Variants in SPRR5 observed in about 807,000 individuals in gnomAD.
SPRR5 encodes the protein small proline rich protein 5.
chr1:152,947,975 T>A (rs548268828), intron 1 of SPRR5, among the ~76,000 whole-genome samples: 1 of 152,350 alleles, frequency 6.6e-6, no homozygotes, highest in East Asian at 1.9e-4. Context: ...CTACTCTGCA[T>A]GTGTGTGTCG....
intron 1 of SPRR5, among the ~76,000 whole-genome samples, chr1:152,947,644 T>C (rs545615311): frequency 2.0e-5 from 3 of 152,236 alleles, no homozygotes; most frequent in Admixed American, 2.0e-4. Flanking sequence ...CAGACTCCCT[T>C]GGGACAGCAG....
chr1:152,948,476 C>A, intron 1 of SPRR5, 61 bp from the exon 2 acceptor site: 1 of 273,978 alleles, frequency 3.6e-6, no homozygotes, highest in Non-Finnish European at 7.0e-6. Flanking sequence ...GGGGGTTCAC[C>A]TGGGCTTAGG....
At chr1:152,948,382 G>GCACACACACACACACACACA (rs1004617547) in intron 1 of SPRR5, among the ~76,000 whole-genome samples, 155 bp from the exon 2 acceptor site, 64 of 142,142 alleles carry the variant, frequency 4.5e-4, no homozygotes, top group African/African-American at 1.9e-3. Flanking sequence ...ACACATGCGC[G>GCACACACACACACACACACA]CGCGCACACA....
chr1:152,947,455 A>G (rs1651087691), intron 1 of SPRR5, among the ~76,000 whole-genome samples: 2 of 152,002 alleles, frequency 1.3e-5, no homozygotes, highest in African/African-American at 4.8e-5. Flanking sequence ...CTGAGCAGGG[A>G]GAAGGAGGGG....
chr1:152,948,777 C>T (rs1651133507), exon 2 of SPRR5: 1 of 197,436 alleles, frequency 5.1e-6, no homozygotes. Flanking sequence ...CTGCCCCCCA[C>T]CCCAACAGAC....
chr1:152,947,220 C>T (rs1651082824), exon 1 of SPRR5: 1 of 152,286 alleles, frequency 6.6e-6, no homozygotes, highest in African/African-American at 2.4e-5. Flanking sequence ...CCCTCCACAC[C>T]TATCTGCTCC....
At chr1:152,948,381 C>CGT (rs1185760267) in intron 1 of SPRR5, among the ~76,000 whole-genome samples, 156 bp from the exon 2 acceptor site, 31 of 140,822 alleles carry the variant, frequency 2.2e-4, no homozygotes, top group African/African-American at 9.5e-4. Context: ...TACACATGCG[C>CGT]GCGCGCACAC....
intron 1 of SPRR5, among the ~76,000 whole-genome samples, chr1:152,947,968 C>T (rs990567466): frequency 1.3e-5 from 2 of 152,152 alleles, no homozygotes; most frequent in African/African-American, 4.8e-5. Context: ...TGTGCTACTA[C>T]TCTGCATGTG....
chr1:152,948,225 C>T (rs778283581), intron 1 of SPRR5, among the ~76,000 whole-genome samples: 5 of 151,920 alleles, frequency 3.3e-5, no homozygotes, highest in Non-Finnish European at 7.4e-5. Context: ...TTTCCTCTCT[C>T]TCCCTTTTCT....
chr1:152,948,233 TC>T (rs1373955711), intron 1 of SPRR5, among the ~76,000 whole-genome samples: 21 of 151,782 alleles, frequency 1.4e-4, no homozygotes, highest in African/African-American at 5.1e-4. Flanking sequence ...CTCTCCCTTT[TC>T]TTTTTTTATG....
At chr1:152,947,979 T>A (rs150245795) in intron 1 of SPRR5, among the ~76,000 whole-genome samples, 225 of 152,334 alleles carry the variant, frequency 1.5e-3, no homozygotes, top group African/African-American at 5.1e-3. Flanking sequence ...TCTGCATGTG[T>A]GTGTCGGTAC....
At chr1:152,947,755 T>C (rs1038350826) in intron 1 of SPRR5, among the ~76,000 whole-genome samples, 1 of 152,172 alleles carries the variant, frequency 6.6e-6, no homozygotes, top group African/African-American at 2.4e-5. Context: ...TCCCACCATC[T>C]ATGCCGAGTG....
At chr1:152,948,201 T>C (rs1323316273) in intron 1 of SPRR5, among the ~76,000 whole-genome samples, 1 of 151,774 alleles carries the variant, frequency 6.6e-6, no homozygotes, top group Non-Finnish European at 1.5e-5. Flanking sequence ...TGCTCTTTCA[T>C]TCTTCCTCTT....
At chr1:152,948,688 C>T in exon 2 of SPRR5, 2 of 131,088 alleles carry the variant, frequency 1.5e-5, no homozygotes, top group Non-Finnish European at 3.1e-5. Context: ...CAGTGCTGCC[C>T]GCCGCCTCAA....
intron 1 of SPRR5, among the ~76,000 whole-genome samples, chr1:152,947,670 T>C (rs1651092798): frequency 6.6e-6 from 1 of 152,138 alleles, no homozygotes; most frequent in Middle Eastern, 3.2e-3. Flanking sequence ...TGGATGTCCA[T>C]GGAGCAAAGG....
At chr1:152,948,135 T>C (rs1180280921) in intron 1 of SPRR5, among the ~76,000 whole-genome samples, 1 of 152,206 alleles carries the variant, frequency 6.6e-6, no homozygotes, top group African/African-American at 2.4e-5. Context: ...AGAACTCAGA[T>C]CCCAGGCAAT....
chr1:152,949,193 T>A (rs1651149545), exon 2 of SPRR5: 2 of 152,316 alleles, frequency 1.3e-5, no homozygotes, highest in African/African-American at 4.8e-5. Flanking sequence ...CACAGGCATC[T>A]TCTCCTACCA....
At position 152,948,842 on chromosome 1, in the gene SPRR5, C is replaced by A; in HGVS notation, c.288C>A (p.Cys96Ter). ...GCCAGGAGCCCTGTGCCCCCAAGTG[C>A]CCACCCCCTCAGCAGTGCCAGACGT... Residue 96 changes from cysteine (C) to a stop codon, truncating the protein, a stop_gained, in exon 2 of 2, where the codon TGC becomes TGA. Transcript: ENST00000636302. LOFTEE classifies it high-confidence loss of function. 4.4e-6 allele frequency: 1 copy of A among 224,852 alleles called. No individual in the cohort carries two copies. 13.9% of individuals were successfully genotyped at this position (224,852 alleles called of 1,614,324 possible).
exon 2 of SPRR5, chr1:152,948,619 G>T (rs1415229951): frequency 2.1e-5 from 1 of 48,288 alleles, no homozygotes; most frequent in African/African-American, 9.6e-5. Flanking sequence ...CCCCAGCAGC[G>T]CTGCCCCCCA....
Sources: gnomAD v4.1 joint callset for allele counts (sites outside exome capture counted in the v4.1 genomes callset) on GRCh38, gnomAD v4.1.1 for gene constraint, MANE v1.5 for transcripts, NCBI Gene and HGNC (gene_info 2026-07-23, HGNC 2026-07-21) for gene names.